Variants in COL11A1 observed in about 807,000 individuals in gnomAD.
COL11A1 encodes the protein collagen alpha-1(XI) chain.
COL11A1 carries 74 observed loss-of-function variants against 265.2 expected under a neutral mutation model. The observed-to-expected ratio is 0.28, with a 90% CI of 0.23 to 0.34. COL11A1 has a LOEUF of 0.34. COL11A1 is among the 10% of genes least tolerant of loss of function. COL11A1 has a pLI of 1.00. For missense variants in COL11A1, 2,165 were observed against 2,263.6 expected, an observed-to-expected ratio of 0.96 and a Z score of 0.88; for synonymous variants, 816 against 727.6, an observed-to-expected ratio of 1.12 and a Z score of -1.96.
intron 36 of COL11A1, among the ~76,000 whole-genome samples, chr1:102,973,388 A>T (rs1343433384): frequency 6.6e-6 from 1 of 152,102 alleles, no homozygotes; most frequent in Admixed American, 6.6e-5. Context: ...AAAGTCTGAT[A>T]AAAAAATGAG....
chr1:103,023,963 C>A (rs12729449), intron 7 of COL11A1, among the ~76,000 whole-genome samples: 12,029 of 152,030 alleles, frequency 0.079, 530 homozygotes, highest in Middle Eastern at 0.15. Flanking sequence ...TTAATACTTA[C>A]AAGTAAGAAT....
chr1:103,053,086 T>C (rs568373782), intron 4 of COL11A1, among the ~76,000 whole-genome samples: 1 of 152,282 alleles, frequency 6.6e-6, no homozygotes, highest in African/African-American at 2.4e-5. Flanking sequence ...TATGAAACAC[T>C]ATTGTGCATT....
chr1:102,918,196 C>A (rs1030542862), intron 49 of COL11A1, among the ~76,000 whole-genome samples: 1 of 151,564 alleles, frequency 6.6e-6, no homozygotes, highest in African/African-American at 2.4e-5. Context: ...CATCACTTAT[C>A]GTGTAACTAT....
chr1:103,004,779 T>A, intron 18 of COL11A1, 118 bp from the exon 19 acceptor site: 1 of 831,988 alleles, frequency 1.2e-6, no homozygotes, highest in Non-Finnish European at 1.9e-6. Context: ...ATATATGCTT[T>A]ATTTACCCTC....
intron 4 of COL11A1, among the ~76,000 whole-genome samples, chr1:103,064,700 G>GAAAAAAAAAAAA (rs59331849): frequency 8.1e-6 from 1 of 123,366 alleles, no homozygotes; most frequent in Non-Finnish European, 1.7e-5. Context: ...AAAAAAAAAA[G>GAAAAAAAAAAAA]AAAAAAAAAA....
chr1:103,061,597 A>T (rs1023762604), intron 4 of COL11A1, among the ~76,000 whole-genome samples: 9 of 152,042 alleles, frequency 5.9e-5, no homozygotes, highest in Non-Finnish European at 1.0e-4. Flanking sequence ...AATAATTGGA[A>T]ATGTAAAAAC....
rs1407178496 is a variant in COL11A1, at chr1:102,876,658, T to C, written c.*1361A>G. The C allele has an allele frequency of 6.6e-6, 1 of 152,496 alleles. No homozygotes were observed. Among genetic ancestry groups the C allele is most frequent in the Non-Finnish European group, 1.5e-5 (1 of 67,922 alleles). The allele number at this position is 152,496 out of a possible 1,614,324, so 9.4% of individuals were successfully genotyped here. A position where few individuals can be genotyped will look rare whatever the true frequency, so the allele number is the denominator to read the frequency against. ...TGTTCCAGTGAAATCTGGTATCAAT[T>C]AATTTAACACTTTATATAAGAAATA... On this transcript the variant is annotated 3_prime_UTR_variant, in exon 67 of 67. Transcript: ENST00000370096.
chr1:103,021,228 T>C (rs1667036594), intron 9 of COL11A1, among the ~76,000 whole-genome samples: 1 of 151,630 alleles, frequency 6.6e-6, no homozygotes, highest in Admixed American at 6.6e-5. Flanking sequence ...AATTAGAGAT[T>C]CTTCTGTAGA....
intron 63 of COL11A1, among the ~76,000 whole-genome samples, chr1:102,886,326 G>GTT (rs1392548926): frequency 5.3e-5 from 8 of 152,196 alleles, no homozygotes; most frequent in African/African-American, 1.9e-4. Context: ...TTTGCCCCAA[G>GTT]CTATCCCAGT....
At chr1:102,880,956 G>A (rs1650165248) in intron 65 of COL11A1, among the ~76,000 whole-genome samples, 1 of 151,886 alleles carries the variant, frequency 6.6e-6, no homozygotes. Flanking sequence ...GACTGTAATA[G>A]AGAATTATAA....
chr1:102,998,223 C>T, intron 25 of COL11A1, 87 bp downstream of exon 25: 1 of 1,078,454 alleles, frequency 9.3e-7, no homozygotes, highest in South Asian at 1.3e-5. Flanking sequence ...TATTACTAAC[C>T]TCATATAATC....
At position 102,877,932 on chromosome 1, in the gene COL11A1, C is replaced by G; in HGVS notation, c.*87G>C. 7.2e-7 allele frequency: 1 copy of G among 1,386,584 alleles called. No homozygotes were observed. The highest frequency in any genetic ancestry group is 1.0e-6 in the Non-Finnish European group (1 of 975,164). 85.9% of individuals were successfully genotyped at this position (1,386,584 alleles called of 1,614,324 possible). A position where few individuals can be genotyped will look rare whatever the true frequency, so the allele number is the denominator to read the frequency against. On this transcript the variant is annotated 3_prime_UTR_variant, in exon 67 of 67. Coordinates refer to ENST00000370096, the MANE Select transcript of COL11A1 (RefSeq NM_001854.4). ...ATGCAGCGTTGTTTTCTATACCATC[C>G]TTATTCAAAACTTGCATGTGGCACA...
In COL11A1 at chr1:103,027,396, A is replaced by AATATATAT. The variant is rs57013059; in HGVS notation, c.781-1072_781-1065dup. Among the ~76,000 whole-genome samples the AATATATAT allele has an allele frequency of 3.3e-3, 307 of 91,974 alleles. 3 individuals carry two copies. Among genetic ancestry groups the AATATATAT allele is most frequent in the Non-Finnish European group, 4.1e-3 (200 of 48,244 alleles). The allele number at this position is 91,974 out of a possible 152,430, so 60.3% of individuals were successfully genotyped here. A position where few individuals can be genotyped will look rare whatever the true frequency, so the allele number is the denominator to read the frequency against. On this transcript the variant is annotated intron_variant, in intron 5 of 66. Transcript: ENST00000370096. ...AGTAAACTCAACAAGTTAAAACTCT[A>AATATATAT]ATATATATATATATATATATATATA... is the stretch of plus-strand genomic sequence containing the variant.
At chr1:103,013,907 A>T (rs1329817707) in intron 13 of COL11A1, among the ~76,000 whole-genome samples, 1 of 152,044 alleles carries the variant, frequency 6.6e-6, no homozygotes, top group African/African-American at 2.4e-5. Flanking sequence ...GAAACTAATT[A>T]AAAAACATAA....
chr1:102,894,781 C>T (rs969419528), intron 57 of COL11A1, among the ~76,000 whole-genome samples: 2 of 151,908 alleles, frequency 1.3e-5, no homozygotes, highest in Non-Finnish European at 1.5e-5. Flanking sequence ...TGCTATTTAT[C>T]TTTTTTATTT....
intron 3 of COL11A1, among the ~76,000 whole-genome samples, chr1:103,075,320 A>G (rs916337951): frequency 6.6e-6 from 1 of 152,154 alleles, no homozygotes; most frequent in Non-Finnish European, 1.5e-5. Context: ...ATTCACATTT[A>G]TTTCAAGTGC....
At chr1:103,010,051 A>T (rs1195619626) in intron 14 of COL11A1, among the ~76,000 whole-genome samples, 1 of 152,188 alleles carries the variant, frequency 6.6e-6, no homozygotes, top group Non-Finnish European at 1.5e-5. Flanking sequence ...TCCAACATTT[A>T]TTCTAAAAAA....
intron 4 of COL11A1, among the ~76,000 whole-genome samples, chr1:103,059,568 C>T (rs1312721718): frequency 1.3e-5 from 2 of 152,102 alleles, no homozygotes; most frequent in African/African-American, 4.8e-5. Context: ...TTGGAATTAT[C>T]ATTCTAGGAA....
At chr1:103,000,348 TC>T (rs1664992954) in intron 24 of COL11A1, among the ~76,000 whole-genome samples, 1 of 151,644 alleles carries the variant, frequency 6.6e-6, no homozygotes, top group African/African-American at 2.4e-5. Context: ...GTCTAAAACA[TC>T]CACAGAAAAA....
Sources: allele counts gnomAD v4.1 joint callset (sites outside exome capture counted in the v4.1 genomes callset), GRCh38; gene constraint gnomAD v4.1.1; transcripts MANE v1.5; gene names NCBI Gene and HGNC (gene_info 2026-07-23, HGNC 2026-07-21).